Variants in GRIA2 observed in about 807,000 individuals in gnomAD.
The protein encoded by GRIA2 is glutamate receptor 2.
In GRIA2, 14 loss-of-function variants were observed where a neutral mutation model predicts 97.3. The ratio of observed to expected loss-of-function variants is 0.14; its 90% confidence interval spans 0.10 to 0.23. The LOEUF (loss-of-function observed/expected upper bound fraction) is 0.23. GRIA2 is among the 10% of genes least tolerant of loss of function. The pLI is 1.00. For synonymous variants in GRIA2, 412 were observed against 387.8 expected (o/e 1.06, Z -0.73); for missense variants, 558 against 1,069.8 (o/e 0.52, Z 6.67).
chr4:157,326,816 T>A (rs185449313), intron 6 of GRIA2, among the ~76,000 whole-genome samples: 12 of 152,298 alleles, frequency 7.9e-5, no homozygotes, highest in African/African-American at 2.9e-4. Flanking sequence ...TATTAAGGAT[T>A]TCTTGTCTAA....
chr4:157,237,853 A>C (rs1579294655), intron 2 of GRIA2, among the ~76,000 whole-genome samples: 1 of 152,234 alleles, frequency 6.6e-6, no homozygotes, highest in East Asian at 1.9e-4. Context: ...GGCTTGTGTC[A>C]TAGCAGTAAT....
chr4:157,309,509 G>A (rs574675575), intron 3 of GRIA2, among the ~76,000 whole-genome samples: 1 of 152,070 alleles, frequency 6.6e-6, no homozygotes, highest in Non-Finnish European at 1.5e-5. Context: ...CTGCCACCAG[G>A]CCTGGCTAAT....
intron 2 of GRIA2, among the ~76,000 whole-genome samples, chr4:157,251,920 G>A (rs1731038049): frequency 6.6e-6 from 1 of 151,956 alleles, no homozygotes; most frequent in African/African-American, 2.4e-5. Flanking sequence ...CCTATACGGG[G>A]ATCTACAAAA....
At chr4:157,259,019 C>A (rs538341927) in intron 2 of GRIA2, among the ~76,000 whole-genome samples, 11 of 152,012 alleles carry the variant, frequency 7.2e-5, no homozygotes, top group Admixed American at 4.6e-4. Context: ...TCCAGGAGTT[C>A]GAGACCAGCC....
At chr4:157,251,183 C>A (rs76583936) in intron 2 of GRIA2, among the ~76,000 whole-genome samples, 4,444 of 152,082 alleles carry the variant, frequency 0.029, 70 homozygotes, top group Middle Eastern at 0.085. Context: ...GAGACAGGGG[C>A]AGACTCACAT....
intron 2 of GRIA2, among the ~76,000 whole-genome samples, chr4:157,266,843 G>A (rs911951306): frequency 6.6e-6 from 1 of 152,152 alleles, no homozygotes; most frequent in Middle Eastern, 3.4e-3. Flanking sequence ...CGGATTGCTT[G>A]AGGCCAGGAG....
intron 8 of GRIA2, 24 bp from the exon 9 acceptor site, chr4:157,333,986 C>A: frequency 1.9e-6 from 2 of 1,081,028 alleles, no homozygotes; most frequent in Non-Finnish European, 2.9e-6. Context: ...TATCCATACA[C>A]CTGTCTGCTG....
At position 157,365,328 on chromosome 4, in the gene GRIA2, T is replaced by C. The variant is rs1579398214; in HGVS notation, c.*1897T>C. The C allele has an allele frequency of 6.6e-6, 1 of 152,002 alleles. No individual in the cohort carries two copies. The highest frequency in any genetic ancestry group is 6.6e-5 in the Admixed American group (1 of 15,148). 9.4% of individuals were successfully genotyped at this position (152,002 alleles called of 1,614,324 possible). A position where few individuals can be genotyped will look rare whatever the true frequency, so the allele number is the denominator to read the frequency against. Reference sequence around the variant, plus strand: ...GCTGGAGGTGCATTTTAAGTTTTAATAATAAGTGCTAGAATGACCAAATTG... The same window carrying C: ...GCTGGAGGTGCATTTTAAGTTTTAACAATAAGTGCTAGAATGACCAAATTG... On this transcript the variant is annotated 3_prime_UTR_variant, in exon 16 of 16. Transcript: ENST00000264426.
At chr4:157,320,337 A>G (rs1306358241) in intron 5 of GRIA2, among the ~76,000 whole-genome samples, 3 of 152,232 alleles carry the variant, frequency 2.0e-5, no homozygotes, top group African/African-American at 7.2e-5. Context: ...ACAAAAACTC[A>G]ATAAAATTTC....
In GRIA2 at chr4:157,360,021, C is replaced by T; in HGVS notation, c.2169C>T (p.Tyr723=). Residue 723 remains tyrosine (Y), a synonymous_variant, in exon 13 of 16, where the codon TAC becomes TAT. Coordinates refer to ENST00000264426, the MANE Select transcript of GRIA2 (RefSeq NM_001083619.3). Reference sequence around the variant, plus strand: ...GGAAGTCCAAAGGGAAATATGCCTACTTGTTGGAGTCCACGATGAACGAGT... The same window carrying T: ...GGAAGTCCAAAGGGAAATATGCCTATTTGTTGGAGTCCACGATGAACGAGT... ...RVRKSKGKYA[Y]LLESTMNEYI... 3 of 1,613,944 alleles carry T rather than the reference C, an allele frequency of 1.9e-6. No individual in the cohort carries two copies. The highest frequency in any genetic ancestry group is 1.1e-5 in the South Asian group (1 of 91,076).
intron 2 of GRIA2, among the ~76,000 whole-genome samples, chr4:157,293,978 A>G (rs1175828893): frequency 1.3e-5 from 2 of 152,240 alleles, no homozygotes; most frequent in African/African-American, 4.8e-5. Context: ...TTTGCATTAT[A>G]CTATATTGAA....
chr4:157,234,949 T>C (rs970166500), intron 2 of GRIA2, among the ~76,000 whole-genome samples: 5 of 152,152 alleles, frequency 3.3e-5, no homozygotes, highest in African/African-American at 7.2e-5. Flanking sequence ...ATATGAACTT[T>C]GTGTAGTTCA....
At chr4:157,359,377 C>G (rs1736536840) in intron 12 of GRIA2, among the ~76,000 whole-genome samples, 1 of 152,020 alleles carries the variant, frequency 6.6e-6, no homozygotes, top group African/African-American at 2.4e-5. Context: ...CAGTGTTATT[C>G]TAGAAATGTT....
At chr4:157,230,706 A>C (rs149569431) in intron 2 of GRIA2, among the ~76,000 whole-genome samples, 1 of 151,636 alleles carries the variant, frequency 6.6e-6, no homozygotes, top group African/African-American at 2.4e-5. Context: ...TCAATCTTCT[A>C]TATTAACCTT....
At position 157,359,967 on chromosome 4, in the gene GRIA2, G is replaced by A. The variant is rs545881390; in HGVS notation, c.2115G>A (p.Arg705=). 281 of 1,613,852 alleles carry A rather than the reference G, an allele frequency of 1.7e-4. 3 individuals carry two copies. In the South Asian group the frequency reaches 2.9e-3, roughly 17 times the overall value. Residue 705 remains arginine, a synonymous_variant, in exon 13 of 16, where the codon AGG becomes AGA. Coordinates refer to ENST00000264426, the MANE Select transcript of GRIA2 (RefSeq NM_001083619.3). The part of the protein sequence containing the change: ...MRSAEPSVFV[R]TTAEGVARVR... ...GTGCGGAGCCCTCTGTGTTTGTGAGGACTACGGCCGAAGGGGTGGCTAGAG... is the reference window on the plus strand; with the variant it reads ...GTGCGGAGCCCTCTGTGTTTGTGAGAACTACGGCCGAAGGGGTGGCTAGAG...
intron 3 of GRIA2, among the ~76,000 whole-genome samples, chr4:157,306,208 A>G (rs1733836402): frequency 6.6e-6 from 1 of 152,114 alleles, no homozygotes; most frequent in African/African-American, 2.4e-5. Flanking sequence ...TGCTCCCTCT[A>G]GTTAAAACTG....
chr4:157,342,529 T>C, intron 12 of GRIA2: 2 of 767,552 alleles, frequency 2.6e-6, no homozygotes, highest in Non-Finnish European at 3.2e-6. Flanking sequence ...TTTACTTTAA[T>C]GCAGATTTTA....
At chr4:157,260,826 T>C (rs1354397636) in intron 2 of GRIA2, among the ~76,000 whole-genome samples, 3 of 152,002 alleles carry the variant, frequency 2.0e-5, no homozygotes, top group South Asian at 2.1e-4. Context: ...TCCTCCTCTT[T>C]CTTCCTTCTT....
chr4:157,336,415 T>A lies in GRIA2; in HGVS notation c.1512T>A (p.Leu504=), dbSNP rs1443942596. 1 of 1,597,250 alleles carries A rather than the reference T, an allele frequency of 6.3e-7. No homozygotes were observed. The highest frequency in any genetic ancestry group is 8.5e-7 in the Non-Finnish European group (1 of 1,171,714). The change falls in exon 11 of 16, where the codon CTT becomes CTA. Residue 504 remains leucine (L), a synonymous_variant. Coordinates refer to ENST00000264426, the MANE Select transcript of GRIA2 (RefSeq NM_001083619.3). ...CAATTGCTCCATTAACTATTACCCT[T>A]GTGAGAGAAGAGGTGATTGACTTCT... is the stretch of plus-strand genomic sequence containing the variant. ...DIAIAPLTIT[L]VREEVIDFSK...
Sources: allele counts gnomAD v4.1 joint callset (sites outside exome capture counted in the v4.1 genomes callset), GRCh38; gene constraint gnomAD v4.1.1; transcripts MANE v1.5; gene names NCBI Gene and HGNC (gene_info 2026-07-23, HGNC 2026-07-21).